Variants in TVP23C observed in about 807,000 individuals in gnomAD.
The protein encoded by TVP23C is trans-golgi network vesicle protein 23 homolog C.
Under a neutral mutation model 28.7 loss-of-function variants are expected in TVP23C, and 19 were observed. That is an observed-to-expected ratio of 0.66 (90% CI 0.46 to 0.97). The LOEUF is 0.97. Among genes scored for constraint, TVP23C ranks in the 50% least tolerant of loss-of-function variants. TVP23C has a pLI of 0.00. For synonymous variants in TVP23C, 68 were observed against 81.7 expected (o/e 0.83, Z 0.90); for missense variants, 186 against 241.3 (o/e 0.77, Z 1.52).
chr17:15,502,731 T>C, exon 6 of TVP23C: 3 of 833,984 alleles, frequency 3.6e-6, no homozygotes, highest in Non-Finnish European at 4.8e-6. Context: ...TCTCTCTCTC[T>C]TTCTCTCTCC....
At chr17:15,540,795 T>A (rs1331330435) in intron 5 of TVP23C, among the ~76,000 whole-genome samples, 1 of 152,250 alleles carries the variant, frequency 6.6e-6, no homozygotes, top group Non-Finnish European at 1.5e-5. Context: ...TGGACACAAC[T>A]GCTCTATGTG....
chr17:15,548,610 T>C (rs1224753534), intron 3 of TVP23C, among the ~76,000 whole-genome samples: 2 of 152,244 alleles, frequency 1.3e-5, no homozygotes, highest in East Asian at 1.9e-4. Flanking sequence ...TTTTGTACTA[T>C]ACTTGCTGCA....
In TVP23C at chr17:15,537,609, T is replaced by C. The variant is rs1238536292; in HGVS notation, c.*2803A>G. ...CACTTGCTTGCATACGTCTAAGAAA[T>C]TTCCCCATGAAGTACATATTAAAAA... On this transcript the variant is annotated 3_prime_UTR_variant, in exon 6 of 6. Transcript: ENST00000518321. The C allele has an allele frequency of 2.0e-6, 2 of 985,258 alleles. No homozygotes were observed. The highest frequency in any genetic ancestry group is 2.4e-6 in the Non-Finnish European group (2 of 829,854). The allele number at this position is 985,258 out of a possible 1,614,324, so 61.0% of individuals were successfully genotyped here.
At position 15,540,484 on chromosome 17, in the gene TVP23C, C is replaced by T; in HGVS notation, c.540G>A (p.Lys180=). 5.6e-6 allele frequency: 9 copies of T among 1,609,462 alleles called. No homozygotes were observed. Among genetic ancestry groups the T allele is most frequent in the South Asian group, 1.1e-5 (1 of 90,068 alleles). ...ATGAAGTAGCCATGCTGGTTAAATG[C>T]TTTCTGCTGCGCACCTTACACCTGA... The part of the protein sequence containing the change: ...GYIRCKVRSR[K]HLTSMATSYF... Residue 180 remains lysine, a synonymous_variant, in exon 6 of 6, where the codon AAG becomes AAA. Transcript: ENST00000518321.
chr17:15,545,630 A>G (rs1983610685), intron 5 of TVP23C, among the ~76,000 whole-genome samples, 155 bp downstream of exon 5: 1 of 152,402 alleles, frequency 6.6e-6, no homozygotes, highest in Admixed American at 6.5e-5. Flanking sequence ...TTATAGAGAA[A>G]GGTAAAGTTG....
At chr17:15,523,758 C>T (rs943677521) in intron 5 of TVP23C, among the ~76,000 whole-genome samples, 4 of 151,882 alleles carry the variant, frequency 2.6e-5, no homozygotes, top group South Asian at 4.2e-4. Context: ...GGACTACAGG[C>T]GCCCGCCACC....
At chr17:15,522,222 A>G (rs1274039509) in intron 5 of TVP23C, among the ~76,000 whole-genome samples, 4 of 152,266 alleles carry the variant, frequency 2.6e-5, no homozygotes, top group Non-Finnish European at 5.9e-5. Context: ...GAGACTATAT[A>G]GGAGAAAATC....
chr17:15,517,224 G>C (rs1007825254), intron 5 of TVP23C, among the ~76,000 whole-genome samples: 2 of 152,182 alleles, frequency 1.3e-5, no homozygotes, highest in Non-Finnish European at 2.9e-5. Context: ...TGTGGCTTGG[G>C]ACTATGTCCC....
At chr17:15,534,578 T>TACACACACACAC (rs370038704), downstream of TVP23C, among the ~76,000 whole-genome samples, 4 of 125,220 alleles carry the variant, frequency 3.2e-5, no homozygotes, top group East Asian at 2.2e-4. Flanking sequence ...CCATCACTTC[T>TACACACACACAC]ACACACACAC....
intron 5 of TVP23C, chr17:15,507,085 G>A: frequency 1.8e-6 from 2 of 1,121,102 alleles, no homozygotes; most frequent in African/African-American, 1.5e-5. Context: ...TAATGGCACT[G>A]GTGCCTCTAC....
chr17:15,538,272 T>C lies in TVP23C; in HGVS notation c.*2140A>G. 6.6e-7 allele frequency: 1 copy of C among 1,523,802 alleles called. No individual in the cohort carries two copies. The highest frequency in any genetic ancestry group is 8.8e-7 in the Non-Finnish European group (1 of 1,137,226). 94.4% of individuals were successfully genotyped at this position (1,523,802 alleles called of 1,614,324 possible). A position where few individuals can be genotyped will look rare whatever the true frequency, so the allele number is the denominator to read the frequency against. ...TTTCTAAGCAGAGCATTACCTTACA[T>C]ACAATGGCCCAATCACATTAAAAAG... On this transcript the variant is annotated 3_prime_UTR_variant, in exon 6 of 6. Transcript: ENST00000518321.
intron 3 of TVP23C, 55 bp downstream of exon 3, chr17:15,553,630 T>G: frequency 6.5e-7 from 1 of 1,547,276 alleles, no homozygotes; most frequent in Non-Finnish European, 8.7e-7. Context: ...TGTCATATTT[T>G]TATACATCAT....
chr17:15,559,039 T>G lies in TVP23C; in HGVS notation c.13-3675A>C, dbSNP rs1299183845. On this transcript the variant is annotated intron_variant, in intron 1 of 5. Coordinates refer to ENST00000518321, the MANE Select transcript of TVP23C (RefSeq NM_001135036.2). ...TAGGGTCTCGTTATGTTGCCCAGGCTAGTCTCAAACTCCCGGGCTCAAGCA... is the reference window on the plus strand; with the variant it reads ...TAGGGTCTCGTTATGTTGCCCAGGCGAGTCTCAAACTCCCGGGCTCAAGCA... Among the ~76,000 whole-genome samples the G allele has an allele frequency of 1.4e-5, 2 of 147,894 alleles. 1 individual carries two copies. Among genetic ancestry groups the G allele is most frequent in the Non-Finnish European group, 3.0e-5 (2 of 66,268 alleles).
intron 5 of TVP23C, among the ~76,000 whole-genome samples, chr17:15,506,058 G>A (rs1197846942): frequency 1.3e-5 from 2 of 152,260 alleles, no homozygotes; most frequent in African/African-American, 4.8e-5. Context: ...GACCACCCAA[G>A]GGCTGAGGAG....
Position 15,537,837 on chromosome 17 carries a change from G to C in TVP23C, c.*2575C>G. 2 of 1,229,858 alleles carry C rather than the reference G, an allele frequency of 1.6e-6. No homozygotes were observed. The highest frequency in any genetic ancestry group is 2.0e-6 in the Non-Finnish European group (2 of 984,578). The allele number at this position is 1,229,858 out of a possible 1,614,324, so 76.2% of individuals were successfully genotyped here. A position where few individuals can be genotyped will look rare whatever the true frequency, so the allele number is the denominator to read the frequency against. The stretch of plus-strand genomic sequence containing the variant: ...TAAATGAACACTTTCATTAACTTGG[G>C]ATATACAGGTATTACATGGCCGTGT... On this transcript the variant is annotated 3_prime_UTR_variant, in exon 6 of 6. Coordinates refer to ENST00000518321, the MANE Select transcript of TVP23C (RefSeq NM_001135036.2).
chr17:15,561,229 A>C (rs954066301), intron 1 of TVP23C, among the ~76,000 whole-genome samples: 5 of 152,198 alleles, frequency 3.3e-5, no homozygotes, highest in Admixed American at 2.0e-4. Flanking sequence ...GAGAGGGTGA[A>C]GGGGCTATGG....
chr17:15,533,345 C>A (rs995869414), downstream of TVP23C, among the ~76,000 whole-genome samples: 1 of 152,060 alleles, frequency 6.6e-6, no homozygotes, highest in Non-Finnish European at 1.5e-5. Flanking sequence ...ATTAATGTAC[C>A]CACTACAAAT....
chr17:15,561,820 C>T (rs1415207866), intron 1 of TVP23C, among the ~76,000 whole-genome samples: 1 of 152,110 alleles, frequency 6.6e-6, no homozygotes, highest in South Asian at 2.1e-4. Context: ...CCAGACAGGG[C>T]ATTCTAAATC....
At chr17:15,515,955 A>G (rs1982207944) in intron 5 of TVP23C, among the ~76,000 whole-genome samples, 1 of 152,050 alleles carries the variant, frequency 6.6e-6, no homozygotes, top group Non-Finnish European at 1.5e-5. Context: ...GAGTTACCAT[A>G]AGATCTGGTT....
Sources: gnomAD v4.1 joint callset for allele counts (sites outside exome capture counted in the v4.1 genomes callset) on GRCh38, gnomAD v4.1.1 for gene constraint, MANE v1.5 for transcripts, NCBI Gene and HGNC (gene_info 2026-07-23, HGNC 2026-07-21) for gene names.